Variants in WWP1 observed in about 807,000 individuals in gnomAD.
WWP1 encodes the protein NEDD4-like E3 ubiquitin-protein ligase WWP1.
A neutral mutation model predicts 130.6 loss-of-function variants in WWP1; 49 were observed. That is an observed-to-expected ratio of 0.38 (90% CI 0.30 to 0.48). WWP1 has a LOEUF of 0.48. Ranked by LOEUF, WWP1 falls within the 20% of genes least tolerant of loss-of-function variation. WWP1 has a pLI of 0.99. For missense variants in WWP1, 809 were observed against 1,100.6 expected (o/e 0.74, Z 3.75); for synonymous variants, 332 against 367.8 (o/e 0.90, Z 1.11).
In WWP1 at chr8:86,353,202, C is replaced by A. The variant is rs1823047786; in HGVS notation, c.-115+10272C>A. On this transcript the variant is annotated intron_variant, in intron 1 of 24. Transcript: ENST00000517970. ...TTGAATTTTAAATTAATGAAAGAAACAAAACAAATTTCAAGCTAATCTCTA... is the reference window on the plus strand; with the variant it reads ...TTGAATTTTAAATTAATGAAAGAAAAAAAACAAATTTCAAGCTAATCTCTA... 2.0e-5 allele frequency among the ~76,000 whole-genome samples: 3 copies of A among 150,466 alleles called. No homozygotes were observed. In the South Asian group the frequency reaches 6.3e-4, roughly 32 times the overall value.
At chr8:86,373,923 A>C (rs1381823491) in intron 2 of WWP1, 107 bp from the exon 3 acceptor site, 1 of 781,284 alleles carries the variant, frequency 1.3e-6, no homozygotes, top group Non-Finnish European at 2.0e-6. Context: ...GATAATTTTC[A>C]TGTACTTTTT....
At chr8:86,372,990 TAAGGCTATA>T (rs879809271) in intron 2 of WWP1, among the ~76,000 whole-genome samples, 134 of 152,146 alleles carry the variant, frequency 8.8e-4, no homozygotes, top group Admixed American at 6.6e-3. Context: ...AGTATGTCTT[TAAGGCTATA>T]AATTTGCCTC....
intron 8 of WWP1, among the ~76,000 whole-genome samples, chr8:86,409,222 CTTTCT>C (rs1808444647): frequency 9.1e-5 from 11 of 121,310 alleles, no homozygotes; most frequent in Non-Finnish European, 1.7e-4. Flanking sequence ...TTTTCTTTTT[CTTTCT>C]TTTTTTTTTT....
chr8:86,358,985 T>G (rs1196688704), intron 1 of WWP1, among the ~76,000 whole-genome samples: 1 of 152,122 alleles, frequency 6.6e-6, no homozygotes, highest in Non-Finnish European at 1.5e-5. Flanking sequence ...AGCGGACAGA[T>G]GATTAGAAAT....
intron 20 of WWP1, among the ~76,000 whole-genome samples, chr8:86,451,307 A>G (rs1417904587): frequency 6.7e-6 from 1 of 150,372 alleles, no homozygotes; most frequent in African/African-American, 2.4e-5. Context: ...GAAAACAGCA[A>G]GAGCAGAATT....
intron 14 of WWP1, among the ~76,000 whole-genome samples, 198 bp downstream of exon 14, chr8:86,431,941 A>G (rs1431198632): frequency 6.6e-6 from 1 of 152,208 alleles, no homozygotes; most frequent in Non-Finnish European, 1.5e-5. Flanking sequence ...TGTAGTGATT[A>G]CTGTGTGCCG....
At chr8:86,371,806 A>G (rs981282667) in intron 2 of WWP1, among the ~76,000 whole-genome samples, 1 of 151,938 alleles carries the variant, frequency 6.6e-6, no homozygotes, top group Non-Finnish European at 1.5e-5. Context: ...GTCCTGATGA[A>G]CAGAAGTCTC....
Position 86,452,707 on chromosome 8 carries a change from G to A in WWP1, c.2394+28G>A, listed in dbSNP as rs767405269. 8.7e-6 allele frequency: 14 copies of A among 1,608,058 alleles called. No individual in the cohort carries two copies. The South Asian group carries it at 1.4e-4, about 17-fold the overall frequency. On this transcript the variant is annotated intron_variant, in intron 21 of 24. Coordinates refer to ENST00000517970, the MANE Select transcript of WWP1 (RefSeq NM_007013.4). Reference sequence around the variant, plus strand: ...TAGGCCCTTTTATTATGCTATTGTAGGGAATGTTAGTGGGGGGAGGGACTA... The same window carrying A: ...TAGGCCCTTTTATTATGCTATTGTAAGGAATGTTAGTGGGGGGAGGGACTA...
chr8:86,375,312 T>A (rs575870521), intron 3 of WWP1, among the ~76,000 whole-genome samples: 17 of 152,220 alleles, frequency 1.1e-4, no homozygotes, highest in Admixed American at 2.0e-4. Context: ...GTTTTTTTTT[T>A]AATTTTGTTT....
chr8:86,458,453 T>G (rs1811575421), intron 22 of WWP1, among the ~76,000 whole-genome samples: 1 of 152,200 alleles, frequency 6.6e-6, no homozygotes, highest in African/African-American at 2.4e-5. Flanking sequence ...AGAATGACTT[T>G]ATTCATTTAT....
At chr8:86,445,972 T>TTTTCTTTTCTTTTC (rs1316557138) in intron 18 of WWP1, among the ~76,000 whole-genome samples, 169 of 122,512 alleles carry the variant, frequency 1.4e-3, no homozygotes, top group Non-Finnish European at 2.3e-3. Context: ...TTTTCTTTTC[T>TTTTCTTTTCTTTTC]TTTCTTTTTT....
chr8:86,381,009 G>C, intron 4 of WWP1, 145 bp downstream of exon 4: 1 of 1,139,858 alleles, frequency 8.8e-7, no homozygotes, highest in Non-Finnish European at 1.1e-6. Flanking sequence ...AGAAATTTTT[G>C]GTTAAATTTT....
chr8:86,425,817 A>C (rs1809590356), intron 10 of WWP1, among the ~76,000 whole-genome samples: 1 of 152,348 alleles, frequency 6.6e-6, no homozygotes, highest in African/African-American at 2.4e-5. Flanking sequence ...ACTAAAATTC[A>C]TGCTATTAGG....
chr8:86,430,097 T>G (rs1809854352), intron 11 of WWP1, among the ~76,000 whole-genome samples: 1 of 152,058 alleles, frequency 6.6e-6, no homozygotes, highest in African/African-American at 2.4e-5. Context: ...TACTCGGTTG[T>G]TGCTGAGGTG....
intron 5 of WWP1, among the ~76,000 whole-genome samples, chr8:86,389,767 G>T (rs1012257993): frequency 1.3e-5 from 2 of 150,652 alleles, no homozygotes; most frequent in Non-Finnish European, 3.0e-5. Context: ...CTCCCGGATG[G>T]GGCGGCTGCC....
At chr8:86,400,574 A>G (rs1807919391) in intron 7 of WWP1, among the ~76,000 whole-genome samples, 2 of 152,178 alleles carry the variant, frequency 1.3e-5, no homozygotes, top group South Asian at 2.1e-4. Flanking sequence ...TTCCAGACAG[A>G]GGAAACAGCA....
intron 7 of WWP1, among the ~76,000 whole-genome samples, chr8:86,400,101 C>T (rs1031777608): frequency 4.0e-5 from 6 of 151,892 alleles, no homozygotes; most frequent in Non-Finnish European, 5.9e-5. Flanking sequence ...GAGGCCGAAG[C>T]GGGCAGATCA....
intron 9 of WWP1, among the ~76,000 whole-genome samples, chr8:86,414,832 GTATTAA>G (rs139172667): frequency 0.15 from 21,943 of 151,270 alleles, 1,753 homozygotes; most frequent in Non-Finnish European, 0.19. Flanking sequence ...ATTGGACAGT[GTATTAA>G]TATTGAGTAC....
chr8:86,462,434 A>G (rs910950203), intron 24 of WWP1, among the ~76,000 whole-genome samples: 1 of 152,248 alleles, frequency 6.6e-6, no homozygotes, highest in Admixed American at 6.5e-5. Context: ...AACTTGGTAA[A>G]TCAGAAGAAA....
Sources: gnomAD v4.1 joint callset for allele counts (sites outside exome capture counted in the v4.1 genomes callset) on GRCh38, gnomAD v4.1.1 for gene constraint, MANE v1.5 for transcripts, NCBI Gene and HGNC (gene_info 2026-07-23, HGNC 2026-07-21) for gene names.